Variants in AASS observed in about 807,000 individuals in gnomAD.
AASS encodes the protein aminoadipate-semialdehyde synthase, also known as alpha-aminoadipic semialdehyde synthase, mitochondrial.
A neutral mutation model predicts 105.4 loss-of-function variants in AASS; 86 were observed. The observed-to-expected ratio is 0.82, with a 90% CI of 0.69 to 0.98. AASS has a LOEUF of 0.98. AASS is among the 50% of genes least tolerant of loss of function. AASS has a pLI of 0.00. For synonymous variants in AASS, 381 were observed against 394.8 expected (o/e 0.96, Z 0.41); for missense variants, 1,048 against 1,143.2 (o/e 0.92, Z 1.20).
At chr7:122,141,061 C>A (rs1796371329) in intron 1 of AASS, among the ~76,000 whole-genome samples, 1 of 152,132 alleles carries the variant, frequency 6.6e-6, no homozygotes, top group African/African-American at 2.4e-5. Context: ...AGATGATGGC[C>A]TAGAACTAAT....
chr7:122,105,105 T>A (rs1794604650), intron 11 of AASS, among the ~76,000 whole-genome samples: 1 of 151,794 alleles, frequency 6.6e-6, no homozygotes, highest in Non-Finnish European at 1.5e-5. Context: ...TAGAAAAAAC[T>A]TAACACAAAA....
intron 20 of AASS, among the ~76,000 whole-genome samples, chr7:122,080,820 T>C (rs1793278767): frequency 6.6e-6 from 1 of 152,202 alleles, no homozygotes; most frequent in Non-Finnish European, 1.5e-5. Flanking sequence ...TTTTTTGAGA[T>C]GTAATGGAAT....
At chr7:122,131,258 C>T (rs756537064) in intron 2 of AASS, among the ~76,000 whole-genome samples, 4 of 150,786 alleles carry the variant, frequency 2.7e-5, no homozygotes, top group East Asian at 1.9e-4. Flanking sequence ...AGATTGATGA[C>T]GAAACCACAC....
chr7:122,140,552 T>C (rs1796347961), intron 1 of AASS, among the ~76,000 whole-genome samples: 1 of 150,526 alleles, frequency 6.6e-6, no homozygotes, highest in African/African-American at 2.4e-5. Context: ...TTACTTCTTT[T>C]GGGATATGTA....
rs564949964 is a variant in AASS at position 122,076,435 on chromosome 7, C to T, written c.*54G>A. On this transcript the variant is annotated 3_prime_UTR_variant, in exon 24 of 24. Coordinates refer to ENST00000417368, the MANE Select transcript of AASS (RefSeq NM_005763.4). ...CACATTAGCAAACCCATTTATCACA[C>T]ACATGTTCAGAGGTGTATTGCCTGG... The T allele has an allele frequency of 1.7e-6, 2 of 1,168,416 alleles. No homozygotes were observed. The highest frequency in any genetic ancestry group is 1.5e-5 in the African/African-American group (1 of 66,284). The allele number at this position is 1,168,416 out of a possible 1,614,324, so 72.4% of individuals were successfully genotyped here. A position where few individuals can be genotyped will look rare whatever the true frequency, so the allele number is the denominator to read the frequency against.
At chr7:122,126,972 A>G (rs1795683182) in intron 3 of AASS, among the ~76,000 whole-genome samples, 1 of 152,128 alleles carries the variant, frequency 6.6e-6, no homozygotes, top group Non-Finnish European at 1.5e-5. Flanking sequence ...GGTCTCTTCT[A>G]CCTGGAAAAT....
intron 22 of AASS, among the ~76,000 whole-genome samples, 184 bp from the exon 23 acceptor site, chr7:122,078,198 G>C (rs1239045084): frequency 6.6e-6 from 1 of 152,004 alleles, no homozygotes; most frequent in Non-Finnish European, 1.5e-5. Flanking sequence ...TTAGAACTCT[G>C]ATCTCATTCC....
chr7:122,099,936 T>A (rs1309442034), intron 13 of AASS, among the ~76,000 whole-genome samples: 2 of 151,850 alleles, frequency 1.3e-5, no homozygotes, highest in African/African-American at 4.8e-5. Context: ...TAACAATATT[T>A]TCTATAGTTT....
chr7:122,140,455 C>T (rs1370375896), intron 1 of AASS, among the ~76,000 whole-genome samples: 2 of 121,796 alleles, frequency 1.6e-5, no homozygotes, highest in Admixed American at 1.0e-4. Flanking sequence ...CACTGCACTC[C>T]AGCCTGGGCG....
Position 122,078,926 on chromosome 7 carries a change from T to C in AASS, c.2421A>G (p.Gln807=), listed in dbSNP as rs1793172657. Residue 807 remains glutamine (Q), a synonymous_variant, in exon 22 of 24, where the codon CAA becomes CAG. Transcript: ENST00000417368. ...CCAGAATGGACTCTGCCTGAGGAAC[T>C]TGTTCATCCCCAAGTAAGCCCAACC... is the stretch of plus-strand genomic sequence containing the variant. The part of the protein sequence containing the change: ...AEWLGLLGDE[Q]VPQAESILDA... 6.2e-7 allele frequency: 1 copy of C among 1,614,010 alleles called. No homozygotes were observed. The highest frequency in any genetic ancestry group is 8.5e-7 in the Non-Finnish European group (1 of 1,180,020).
At chr7:122,079,412 C>T in intron 21 of AASS, 185 bp downstream of exon 21, 3 of 1,214,480 alleles carry the variant, frequency 2.5e-6, no homozygotes, top group Non-Finnish European at 3.4e-6. Context: ...ATTCTAATTG[C>T]CATTGAGCTC....
At chr7:122,081,805 T>C in intron 19 of AASS, 1 of 560,166 alleles carries the variant, frequency 1.8e-6, no homozygotes, top group African/African-American at 1.9e-5. Context: ...AAAAAAGTAT[T>C]GAGGATATAG....
At chr7:122,128,335 C>T (rs1795750405) in intron 3 of AASS, among the ~76,000 whole-genome samples, 1 of 152,164 alleles carries the variant, frequency 6.6e-6, no homozygotes, top group Non-Finnish European at 1.5e-5. Context: ...TGTACTCTAA[C>T]CCCACACTCA....
rs1792929184 is a variant in AASS, at chr7:122,074,883, A to G, written c.*1606T>C. On this transcript the variant is annotated 3_prime_UTR_variant, in exon 24 of 24. Transcript: ENST00000417368. The stretch of plus-strand genomic sequence containing the variant: ...TTTTCTTTTTTGTTTTTTTTGAGTC[A>G]AGGTCTAACTCTGTCATCCAGGCTG... 2.0e-5 allele frequency among the ~76,000 whole-genome samples: 3 copies of G among 151,586 alleles called. No individual in the cohort carries two copies. In the South Asian group the frequency reaches 6.2e-4, roughly 32 times the overall value.
chr7:122,104,839 T>G (rs961569757), intron 11 of AASS, among the ~76,000 whole-genome samples: 1 of 151,974 alleles, frequency 6.6e-6, no homozygotes, highest in Non-Finnish European at 1.5e-5. Context: ...TGCTCACTAC[T>G]TTAGTGACGA....
chr7:122,122,500 A>G (rs938587492), intron 4 of AASS, among the ~76,000 whole-genome samples: 1 of 152,228 alleles, frequency 6.6e-6, no homozygotes, highest in African/African-American at 2.4e-5. Context: ...AACAAAATCT[A>G]TCAACAATGT....
At chr7:122,100,196 C>T (rs771682588) in intron 13 of AASS, among the ~76,000 whole-genome samples, 2 of 151,968 alleles carry the variant, frequency 1.3e-5, no homozygotes, top group East Asian at 1.9e-4. Context: ...TTCTAGCAAT[C>T]GGAGCCAAGT....
At chr7:122,077,732 T>C in intron 23 of AASS, 106 bp downstream of exon 23, 1 of 1,403,804 alleles carries the variant, frequency 7.1e-7, no homozygotes. Flanking sequence ...GGTTCACTTT[T>C]AGTAAATGCC....
In AASS at chr7:122,074,509, TG is replaced by T. The variant is rs1455817308; in HGVS notation, c.*1979del. The stretch of plus-strand genomic sequence containing the variant: ...TAATTTACCTATTTTCTTCTTTTGT[TG>T]CTTGTGTTTTTAGTGTCATTTATTT... On this transcript the variant is annotated 3_prime_UTR_variant, in exon 24 of 24. Coordinates refer to ENST00000417368, the MANE Select transcript of AASS (RefSeq NM_005763.4). Among the ~76,000 whole-genome samples, 1 of 152,206 alleles carries T rather than the reference TG, an allele frequency of 6.6e-6. No homozygotes were observed. The highest frequency in any genetic ancestry group is 1.5e-5 in the Non-Finnish European group (1 of 68,038).
Sources: gnomAD v4.1 joint callset for allele counts (sites outside exome capture counted in the v4.1 genomes callset) on GRCh38, gnomAD v4.1.1 for gene constraint, MANE v1.5 for transcripts, NCBI Gene and HGNC (gene_info 2026-07-23, HGNC 2026-07-21) for gene names.